GALNT16: variants seen among roughly 807,000 people sequenced by gnomAD.
GALNT16 encodes the protein polypeptide N-acetylgalactosaminyltransferase 16, also known as UDP-GalNAc:polypeptide N-acetylgalactosaminyltransferase-like protein 1.
In GALNT16, 40 loss-of-function variants were observed where a neutral mutation model predicts 76.1. The ratio of observed to expected loss-of-function variants is 0.53; its 90% CI spans 0.41 to 0.68. The LOEUF (loss-of-function observed/expected upper bound fraction) is 0.68, where lower values mean the gene tolerates loss of function less well. Among genes scored for constraint, GALNT16 ranks in the 30% least tolerant of loss-of-function variants. The pLI, the probability that GALNT16 is intolerant of heterozygous loss-of-function variation, is 0.00. For synonymous variants in GALNT16, 276 were observed against 285.2 expected (o/e 0.97, Z 0.32); for missense variants, 621 against 731.9 (o/e 0.85, Z 1.75).
chr14:69,347,744 C>T, intron 13 of GALNT16, 133 bp from the exon 14 acceptor site: 1 of 924,224 alleles, frequency 1.1e-6, no homozygotes, highest in Non-Finnish European at 1.7e-6. Flanking sequence ...ACCCATACAT[C>T]TACCCTAGCT....
chr14:69,284,523 A>C (rs1181046140), intron 1 of GALNT16, among the ~76,000 whole-genome samples: 3 of 152,200 alleles, frequency 2.0e-5, no homozygotes, highest in African/African-American at 7.2e-5. Context: ...CTTGCCACCC[A>C]CCCTGGACAG....
chr14:69,260,135 C>CAG, upstream of GALNT16: 5 of 147,308 alleles, frequency 3.4e-5, no homozygotes, highest in South Asian at 4.2e-4. Context: ...CTCTCCCTAT[C>CAG]ACCCCCCCGC....
chr14:69,319,178 T>C (rs2045142958), intron 1 of GALNT16, among the ~76,000 whole-genome samples: 1 of 152,236 alleles, frequency 6.6e-6, no homozygotes, highest in Non-Finnish European at 1.5e-5. Context: ...AACCTCCAAC[T>C]GGCTCCTAGG....
chr14:69,351,954 T>C lies in GALNT16; in HGVS notation c.1540-77T>C, dbSNP rs964153473. On this transcript the variant is annotated intron_variant, in intron 14 of 14. Transcript: ENST00000448469. Reference sequence around the variant, plus strand: ...TATACAAGGGCTGTGTGCATACATGTGGAATGAAAGTACAACATTATTTTT... The same window carrying C: ...TATACAAGGGCTGTGTGCATACATGCGGAATGAAAGTACAACATTATTTTT... 16 of 1,383,486 alleles carry C rather than the reference T, an allele frequency of 1.2e-5. No homozygotes were observed. In the African/African-American group the frequency reaches 1.6e-4, roughly 14 times the overall value. The allele number at this position is 1,383,486 out of a possible 1,614,324, so 85.7% of individuals were successfully genotyped here.
intron 1 of GALNT16, among the ~76,000 whole-genome samples, chr14:69,314,151 A>T (rs927627476): frequency 6.6e-6 from 1 of 152,378 alleles, no homozygotes; most frequent in East Asian, 1.9e-4. Context: ...AAGGTTGAGA[A>T]CTACTGACAA....
intron 1 of GALNT16, among the ~76,000 whole-genome samples, chr14:69,287,371 TA>T (rs1447265262): frequency 2.0e-5 from 3 of 152,258 alleles, no homozygotes; most frequent in Admixed American, 2.0e-4. Flanking sequence ...GTTTACTGGC[TA>T]AACGCAAGGA....
intron 3 of GALNT16, 150 bp downstream of exon 3, chr14:69,324,940 G>A: frequency 1.7e-6 from 1 of 582,918 alleles, no homozygotes; most frequent in Non-Finnish European, 3.0e-6. Flanking sequence ...ATCAGGGCCA[G>A]GAAGACCCCA....
At chr14:69,351,734 A>C in intron 14 of GALNT16, 1 of 261,222 alleles carries the variant, frequency 3.8e-6, no homozygotes, top group Non-Finnish European at 7.4e-6. Flanking sequence ...GCAACATAGC[A>C]AGACCCAGTC....
Position 69,347,102 on chromosome 14 carries a change from A to G in GALNT16, c.1334A>G (p.Gln445Arg), listed in dbSNP as rs1195646050. Residue 445 changes from glutamine to arginine, a missense_variant, in exon 13 of 15, where the codon CAG becomes CGG. Gln to Arg is a conservative substitution (Grantham distance 43). Transcript: ENST00000448469. ...IKQGVNCLES[Q>R]GQNTAGDFLL... ...CAGGGGGTGAACTGCTTAGAATCTC[A>G]GGGCCAGAACACAGCTGGTGACTTC... The G allele has an allele frequency of 1.2e-6, 2 of 1,611,824 alleles. No homozygotes were observed. The highest frequency in any genetic ancestry group is 1.7e-6 in the Non-Finnish European group (2 of 1,177,952).
In GALNT16 at chr14:69,333,553, T is replaced by C. The variant is rs2045383106; in HGVS notation, c.920T>C (p.Leu307Ser). 1 of 1,607,544 alleles carries C rather than the reference T, an allele frequency of 6.2e-7. No individual in the cohort carries two copies. The highest frequency in any genetic ancestry group is 8.5e-7 in the Non-Finnish European group (1 of 1,176,996). Residue 307 changes from leucine to serine, a missense_variant, in exon 9 of 15, where the codon TTG (leucine) becomes TCG (serine). Leu to Ser is a moderately radical substitution (Grantham distance 145). Coordinates refer to ENST00000448469, the MANE Select transcript of GALNT16 (RefSeq NM_001168368.2). This position sits in a 1 kb window ranked among gnomAD's most constrained non-coding sequence, Gnocchi z 4.2. Reference sequence around the variant, plus strand: ...ATCGACAAGTCCTGGTTTAACCACTTGGGAAAGTATGATGCCCAGATGGAC... The same window carrying C: ...ATCGACAAGTCCTGGTTTAACCACTCGGGAAAGTATGATGCCCAGATGGAC... ...FVIDKSWFNH[L>S]GKYDAQMDIW... is the part of the protein sequence containing the mutation.
intron 1 of GALNT16, among the ~76,000 whole-genome samples, chr14:69,295,928 T>C (rs2044754217): frequency 6.6e-6 from 1 of 152,188 alleles, no homozygotes; most frequent in Admixed American, 6.5e-5. Flanking sequence ...CAACCACCGT[T>C]TTGTTCATGG....
chr14:69,328,624 T>A, intron 6 of GALNT16, 53 bp downstream of exon 6: 1 of 1,579,194 alleles, frequency 6.3e-7, no homozygotes, highest in South Asian at 1.1e-5. Flanking sequence ...AGCCACTACG[T>A]TCCTGGCACC....
chr14:69,264,314 C>T (rs925563733), intron 1 of GALNT16, among the ~76,000 whole-genome samples: 4 of 152,098 alleles, frequency 2.6e-5, no homozygotes, highest in Admixed American at 6.6e-5. Context: ...GTTATTTTGT[C>T]GGCTGAAATT....
At chr14:69,309,833 T>A (rs1407642785) in intron 1 of GALNT16, among the ~76,000 whole-genome samples, 2 of 152,238 alleles carry the variant, frequency 1.3e-5, no homozygotes, top group African/African-American at 4.8e-5. Context: ...GTGTTTTCTT[T>A]TATGACATAT....
chr14:69,351,363 A>G (rs933179295), intron 14 of GALNT16: 1 of 152,254 alleles, frequency 6.6e-6, no homozygotes, highest in Non-Finnish European at 1.5e-5. Flanking sequence ...CCTCAGCCCC[A>G]GCAACTGATG....
chr14:69,298,722 G>C (rs1488701149), intron 1 of GALNT16: 1 of 152,442 alleles, frequency 6.6e-6, no homozygotes, highest in East Asian at 1.9e-4. Context: ...CCAGATCTGG[G>C]GGCCTAGTGG....
intron 1 of GALNT16, among the ~76,000 whole-genome samples, chr14:69,307,435 T>C (rs143391503): frequency 1.3e-3 from 201 of 152,322 alleles, no homozygotes; most frequent in Non-Finnish European, 2.0e-3. Context: ...GATGAGTGGA[T>C]ATTGTTCCGG....
At chr14:69,359,851 C>T (rs1372799744), downstream of GALNT16, among the ~76,000 whole-genome samples, 1 of 151,606 alleles carries the variant, frequency 6.6e-6, no homozygotes, top group Admixed American at 6.6e-5. Flanking sequence ...GTGGTGAAAC[C>T]CCATCTCTAC....
At chr14:69,324,606 C>T (rs756171336) in intron 2 of GALNT16, 86 bp from the exon 3 acceptor site, 5 of 691,548 alleles carry the variant, frequency 7.2e-6, no homozygotes, top group Non-Finnish European at 1.2e-5. Flanking sequence ...GAAGTATTCT[C>T]AGGCACAAGA....
Sources: allele counts gnomAD v4.1 joint callset (sites outside exome capture counted in the v4.1 genomes callset), GRCh38; gene constraint gnomAD v4.1.1; non-coding constraint Gnocchi (gnomAD v3.1); transcripts MANE v1.5; gene names NCBI Gene and HGNC (gene_info 2026-07-23, HGNC 2026-07-21).